ZSCAN18: variants seen among roughly 807,000 people sequenced by gnomAD.
ZSCAN18 encodes the protein zinc finger and SCAN domain containing 18.
ZSCAN18 carries 16 observed loss-of-function variants against 31.1 expected under a neutral mutation model. The ratio of observed to expected loss-of-function variants is 0.51; its 90% CI spans 0.35 to 0.78. ZSCAN18 has a LOEUF of 0.78. ZSCAN18 is among the 30% of genes least tolerant of loss of function. ZSCAN18 has a pLI of 0.01. For synonymous variants in ZSCAN18, 375 were observed against 320.7 expected (o/e 1.17, Z -1.81); for missense variants, 731 against 697.4 (o/e 1.05, Z -0.54).
rs2074635235 is a variant in ZSCAN18 at position 58,106,499 on chromosome 19, G to A, written c.130+11768C>T. Among the ~76,000 whole-genome samples the A allele has an allele frequency of 3.0e-4, 5 of 16,844 alleles. 1 individual carries two copies. In the Admixed American group the frequency reaches 3.4e-3, roughly 11 times the overall value. 11.1% of individuals were successfully genotyped at this position (16,844 alleles called of 152,430 possible). A position where few individuals can be genotyped will look rare whatever the true frequency, so the allele number is the denominator to read the frequency against. On this transcript the variant is annotated intron_variant, in intron 1 of 1. Transcript: ENST00000595721. The stretch of plus-strand genomic sequence containing the variant: ...GGGCGGATCACGAGGTCAGGAGATC[G>A]AGACCATCCCGGCTAAAACGGTGAA...
intron 1 of ZSCAN18, among the ~76,000 whole-genome samples, chr19:58,114,751 G>A (rs1369752394): frequency 6.6e-6 from 1 of 152,070 alleles, no homozygotes; most frequent in Non-Finnish European, 1.5e-5. Flanking sequence ...TCTCGGAGTG[G>A]GTGATGGGCA....
At chr19:58,106,043 T>C (rs994786815) in intron 1 of ZSCAN18, among the ~76,000 whole-genome samples, 1 of 152,202 alleles carries the variant, frequency 6.6e-6, no homozygotes, top group African/African-American at 2.4e-5. Context: ...AATGATTCCT[T>C]GGATGGATCC....
At chr19:58,116,207 C>A (rs10423778) in intron 1 of ZSCAN18, among the ~76,000 whole-genome samples, 25,967 of 144,290 alleles carry the variant, frequency 0.18, 2,612 homozygotes, top group Non-Finnish European at 0.23. Context: ...CTAAAAAAAA[C>A]CCCCAAAAAA....
chr19:58,108,950 T>C (rs1367365256), intron 1 of ZSCAN18: 1 of 1,100,196 alleles, frequency 9.1e-7, no homozygotes, highest in East Asian at 5.0e-5. Flanking sequence ...TTAGAGCCTT[T>C]CTGACAATTA....
At position 58,090,137 on chromosome 19, in the gene ZSCAN18, T is replaced by G. The variant is rs1440743263; in HGVS notation, c.131A>C (p.Asp44Ala). 1.9e-6 allele frequency: 3 copies of G among 1,613,526 alleles called. No homozygotes were observed. Among genetic ancestry groups the G allele is most frequent in the Non-Finnish European group, 2.5e-6 (3 of 1,179,888 alleles). ...GAAACGCAGGCGGGAGAACTCCAGGTCAGCAGGGGTCCTCTCAGGGATGGT... is the reference window on the plus strand; with the variant it reads ...GAAACGCAGGCGGGAGAACTCCAGGGCAGCAGGGGTCCTCTCAGGGATGGT... ...PETIPERTPADLEFSRLRFRE... is the reference protein window; with the variant it reads ...PETIPERTPAALEFSRLRFRE... Residue 44 changes from aspartate to alanine, a missense_variant, in exon 2 of 7, where the codon GAC becomes GCC. By Grantham distance (126) the Asp-to-Ala change is moderately radical. Transcript: ENST00000601144. This position sits in a 1 kb window ranked among gnomAD's most constrained non-coding sequence, Gnocchi z 4.7.
intron 1 of ZSCAN18, chr19:58,093,208 T>TC (rs972983445): frequency 9.2e-5 from 14 of 151,788 alleles, no homozygotes; most frequent in African/African-American, 3.4e-4. Flanking sequence ...ACTGACCGCC[T>TC]CCCCCACTGG....
chr19:58,086,381 T>G, intron 5 of ZSCAN18, 115 bp from the exon 6 acceptor site: 1 of 884,912 alleles, frequency 1.1e-6, no homozygotes, highest in South Asian at 1.6e-5. Context: ...TTCTCTGTAC[T>G]GGGACCCCCA....
intron 1 of ZSCAN18, among the ~76,000 whole-genome samples, chr19:58,095,610 G>C (rs2146002279): frequency 6.6e-6 from 1 of 152,284 alleles, no homozygotes; most frequent in East Asian, 1.9e-4. Context: ...CATGGTGGAG[G>C]CATCGGGGTC....
intron 1 of ZSCAN18, among the ~76,000 whole-genome samples, chr19:58,104,623 AC>A (rs1488068383): frequency 6.6e-6 from 1 of 151,850 alleles, no homozygotes; most frequent in African/African-American, 2.4e-5. Flanking sequence ...AATTGCTTGA[AC>A]CCAGGTGGCA....
chr19:58,103,417 C>G (rs1056351449), intron 1 of ZSCAN18, among the ~76,000 whole-genome samples: 3 of 152,248 alleles, frequency 2.0e-5, no homozygotes, highest in African/African-American at 7.2e-5. Flanking sequence ...CTCTCTGTGT[C>G]TCTGTGTCAC....
In ZSCAN18 at chr19:58,085,218, C is replaced by T; in HGVS notation, c.1000G>A (p.Asp334Asn). ...TCCGCGTCCTGGGGGTCCTGCGGGT[C>T]CGGGGCCTTCCCAGGCTGCTCTTCC... ...EEEEQPGKAP[D>N]PQDPQDAESD... Residue 334 changes from aspartate to asparagine, a missense_variant, in exon 7 of 7, where the codon GAC becomes AAC. This residue lies in a region of ZSCAN18 where 597 missense variants were observed against 499.5 expected (regional missense o/e 1.20). Transcript: ENST00000601144. The T allele has an allele frequency of 6.2e-7, 1 of 1,608,524 alleles. No individual in the cohort carries two copies. The highest frequency in any genetic ancestry group is 8.5e-7 in the Non-Finnish European group (1 of 1,179,322).
chr19:58,088,983 C>CT, intron 2 of ZSCAN18, 146 bp from the exon 3 acceptor site: 2 of 735,340 alleles, frequency 2.7e-6, no homozygotes. Context: ...GACCTCCAGC[C>CT]TGCAAAGTAC....
chr19:58,108,699 A>T, intron 1 of ZSCAN18: 3 of 985,468 alleles, frequency 3.0e-6, no homozygotes, highest in Non-Finnish European at 3.6e-6. Flanking sequence ...AGATACTTCC[A>T]TTGTGTTCAT....
intron 1 of ZSCAN18, among the ~76,000 whole-genome samples, chr19:58,094,730 T>C (rs534529189): frequency 5.3e-5 from 8 of 151,592 alleles, no homozygotes; most frequent in African/African-American, 1.9e-4. Context: ...ATAGAAAAAT[T>C]AGCTAGGCAC....
At chr19:58,098,364 G>C, upstream of ZSCAN18, 2 of 985,516 alleles carry the variant, frequency 2.0e-6, no homozygotes, top group South Asian at 9.4e-5. Context: ...AATCAGACGC[G>C]AGTGTGGCCT....
At position 58,092,717 on chromosome 19, in the gene ZSCAN18, T is replaced by G; in HGVS notation, c.-119-2331A>C. ...CATTCTACACAAGCTTCCACTTACCTCAAGCAGAACAGAGCCATGCCGTGC... is the reference window on the plus strand; with the variant it reads ...CATTCTACACAAGCTTCCACTTACCGCAAGCAGAACAGAGCCATGCCGTGC... On this transcript the variant is annotated intron_variant, in intron 1 of 6. Transcript: ENST00000601144. 9.2e-6 allele frequency: 9 copies of G among 982,920 alleles called. No individual in the cohort carries two copies. In the South Asian group the frequency reaches 3.3e-4, roughly 36 times the overall value. 60.9% of individuals were successfully genotyped at this position (982,920 alleles called of 1,614,324 possible). A position where few individuals can be genotyped will look rare whatever the true frequency, so the allele number is the denominator to read the frequency against.
intron 1 of ZSCAN18, among the ~76,000 whole-genome samples, chr19:58,105,744 T>C (rs1000049058): frequency 5.3e-5 from 8 of 151,944 alleles, no homozygotes; most frequent in Non-Finnish European, 1.0e-4. Flanking sequence ...CTTTGGGAGG[T>C]TGAAGCAGGT....
At chr19:58,095,555 G>A (rs2074504333) in intron 1 of ZSCAN18, among the ~76,000 whole-genome samples, 1 of 152,194 alleles carries the variant, frequency 6.6e-6, no homozygotes, top group African/African-American at 2.4e-5. Flanking sequence ...ATCCCAGCCA[G>A]CTCCCCCAGC....
At chr19:58,109,632 C>T (rs2074663575) in intron 1 of ZSCAN18, among the ~76,000 whole-genome samples, 1 of 152,118 alleles carries the variant, frequency 6.6e-6, no homozygotes, top group Non-Finnish European at 1.5e-5. Flanking sequence ...AATATGGGTA[C>T]ATTTCTCAGG....
Sources: allele counts gnomAD v4.1 joint callset (sites outside exome capture counted in the v4.1 genomes callset), GRCh38; gene constraint gnomAD v4.1.1; regional missense constraint gnomAD v4.1.1; non-coding constraint Gnocchi (gnomAD v3.1); transcripts MANE v1.5; gene names NCBI Gene and HGNC (gene_info 2026-07-23, HGNC 2026-07-21).